Variants in CNTN4 observed in about 807,000 individuals in gnomAD.
CNTN4 encodes the protein contactin 4.
Under a neutral mutation model 122.5 loss-of-function variants are expected in CNTN4, and 77 were observed. The observed-to-expected ratio is 0.63, with a 90% CI of 0.52 to 0.76. The LOEUF (loss-of-function observed/expected upper bound fraction) is 0.76, where lower values mean the gene tolerates loss of function less well. CNTN4 is among the 30% of genes least tolerant of loss of function. The pLI, the probability that CNTN4 is intolerant of heterozygous loss-of-function variation, is 0.00. For synonymous variants in CNTN4, 512 were observed against 447.0 expected, an observed-to-expected ratio of 1.15 and a Z score of -1.83; for missense variants, 1,256 against 1,259.1, an observed-to-expected ratio of 1.00 and a Z score of 0.04.
intron 3 of CNTN4, among the ~76,000 whole-genome samples, chr3:2,416,087 C>A (rs1220536088): frequency 6.6e-6 from 1 of 151,794 alleles, no homozygotes; most frequent in African/African-American, 2.4e-5. Flanking sequence ...GTGCCATGTT[C>A]TCACAGAGTG....
At chr3:2,441,377 T>C (rs2048433175) in intron 3 of CNTN4, among the ~76,000 whole-genome samples, 2 of 152,168 alleles carry the variant, frequency 1.3e-5, no homozygotes, top group South Asian at 4.1e-4. Context: ...TATGATCTGA[T>C]TGAATCAGCA....
chr3:2,592,284 G>C (rs184434922), intron 4 of CNTN4, among the ~76,000 whole-genome samples: 1 of 152,120 alleles, frequency 6.6e-6, no homozygotes, highest in Non-Finnish European at 1.5e-5. Flanking sequence ...GAATATCTTC[G>C]AGACCTGTAC....
intron 3 of CNTN4, among the ~76,000 whole-genome samples, chr3:2,460,044 G>A (rs1402600357): frequency 1.3e-5 from 2 of 152,044 alleles, no homozygotes; most frequent in South Asian, 2.1e-4. Context: ...ATCTTATCTG[G>A]CCATCTATCT....
At chr3:2,291,520 T>C (rs2042134435) in intron 2 of CNTN4, among the ~76,000 whole-genome samples, 1 of 152,132 alleles carries the variant, frequency 6.6e-6, no homozygotes, top group African/African-American at 2.4e-5. Flanking sequence ...ATTATGATAT[T>C]ATGATTGATG....
chr3:3,036,803 A>T (rs1305479776), intron 17 of CNTN4, among the ~76,000 whole-genome samples: 3 of 152,094 alleles, frequency 2.0e-5, no homozygotes, highest in Non-Finnish European at 4.4e-5. Context: ...AAAGAAAAGA[A>T]AAAAAGAATA....
At chr3:2,747,409 A>G (rs1559460224) in intron 6 of CNTN4, among the ~76,000 whole-genome samples, 1 of 28,914 alleles carries the variant, frequency 3.5e-5, no homozygotes, top group Non-Finnish European at 1.1e-4. Flanking sequence ...ACTCCGTCTA[A>G]AAAAAAAAAT....
At chr3:2,629,552 C>G (rs750212498) in intron 4 of CNTN4, 2 of 453,402 alleles carry the variant, frequency 4.4e-6, no homozygotes, top group Admixed American at 4.7e-5. Context: ...CTGGTCCTTG[C>G]TGGGGGTGCT....
intron 2 of CNTN4, among the ~76,000 whole-genome samples, chr3:2,158,651 A>G (rs2035827167): frequency 6.6e-6 from 1 of 152,226 alleles, no homozygotes; most frequent in African/African-American, 2.4e-5. Flanking sequence ...TTTCCTTAAT[A>G]TGAGAATCAG....
At chr3:2,670,269 G>C (rs2084425580) in intron 4 of CNTN4, among the ~76,000 whole-genome samples, 1 of 152,020 alleles carries the variant, frequency 6.6e-6, no homozygotes, top group Non-Finnish European at 1.5e-5. Flanking sequence ...TATGAATCTG[G>C]GTGCTCCTGT....
At chr3:2,154,205 T>G (rs2035614679) in intron 2 of CNTN4, among the ~76,000 whole-genome samples, 1 of 151,890 alleles carries the variant, frequency 6.6e-6, no homozygotes, top group South Asian at 2.1e-4. Context: ...GCCAACATGG[T>G]GAAACCCCGT....
chr3:2,522,619 A>G (rs932328173), intron 3 of CNTN4, among the ~76,000 whole-genome samples: 7 of 152,136 alleles, frequency 4.6e-5, no homozygotes, highest in Admixed American at 3.9e-4. Flanking sequence ...TAGTGATGCT[A>G]GTAGAAAAAC....
intron 3 of CNTN4, among the ~76,000 whole-genome samples, chr3:2,365,574 A>G (rs2045345902): frequency 6.6e-6 from 1 of 152,230 alleles, no homozygotes. Flanking sequence ...GAGACAATAG[A>G]ATGTACATAT....
At chr3:2,304,359 C>T (rs535601921) in intron 2 of CNTN4, among the ~76,000 whole-genome samples, 5 of 152,150 alleles carry the variant, frequency 3.3e-5, no homozygotes, top group South Asian at 2.1e-4. Context: ...ATTAATTACA[C>T]GTTATAAACA....
intron 2 of CNTN4, among the ~76,000 whole-genome samples, chr3:2,234,063 T>G (rs1239813365): frequency 6.6e-6 from 1 of 152,156 alleles, no homozygotes; most frequent in African/African-American, 2.4e-5. Context: ...ATAATTTGTC[T>G]GGTAGATTCT....
chr3:2,449,983 T>C (rs1038183913), intron 3 of CNTN4, among the ~76,000 whole-genome samples: 28 of 152,176 alleles, frequency 1.8e-4, no homozygotes, highest in African/African-American at 6.8e-4. Flanking sequence ...GTATAGACTG[T>C]CAGTCAGGCA....
chr3:2,894,757 T>C (rs1247937855), intron 10 of CNTN4, among the ~76,000 whole-genome samples: 1 of 152,208 alleles, frequency 6.6e-6, no homozygotes, highest in Non-Finnish European at 1.5e-5. Flanking sequence ...GTTAGAGTCA[T>C]AGCTTGATTG....
chr3:2,514,319 A>C (rs2076978836), intron 3 of CNTN4, among the ~76,000 whole-genome samples: 1 of 152,090 alleles, frequency 6.6e-6, no homozygotes, highest in African/African-American at 2.4e-5. Flanking sequence ...CAGTTCTGTG[A>C]ACTGTCTCTA....
chr3:2,799,788 A>G (rs922867853), intron 6 of CNTN4, among the ~76,000 whole-genome samples: 1 of 152,156 alleles, frequency 6.6e-6, no homozygotes, highest in African/African-American at 2.4e-5. Context: ...AGCCTTTCAC[A>G]TAGCTCGAGT....
chr3:2,648,187 T>C (rs947233631), intron 4 of CNTN4, among the ~76,000 whole-genome samples: 21 of 152,212 alleles, frequency 1.4e-4, no homozygotes, highest in Non-Finnish European at 3.1e-4. Context: ...GTATCCTTTG[T>C]GTAATTTTCA....
Sources: gnomAD v4.1 joint callset for allele counts (sites outside exome capture counted in the v4.1 genomes callset) on GRCh38, gnomAD v4.1.1 for gene constraint, MANE v1.5 for transcripts, NCBI Gene and HGNC (gene_info 2026-07-23, HGNC 2026-07-21) for gene names.